MTAP: variants seen among roughly 807,000 people sequenced by gnomAD.
The protein encoded by MTAP is S-methyl-5'-thioadenosine phosphorylase.
MTAP carries 33 observed loss-of-function variants against 33.6 expected under a neutral mutation model. The ratio of observed to expected loss-of-function variants is 0.98; its 90% CI spans 0.74 to 1.31. The LOEUF is 1.31. Among genes scored for constraint, MTAP ranks in the 40% most tolerant of loss-of-function variants. The pLI, the probability that MTAP is intolerant of heterozygous loss-of-function variation, is 0.00. For synonymous variants in MTAP, 148 were observed against 125.7 expected, an observed-to-expected ratio of 1.18 and a Z score of -1.19; for missense variants, 367 against 360.0, an observed-to-expected ratio of 1.02 and a Z score of -0.16.
chr9:21,935,302 G>C (rs1285709089), downstream of MTAP: 1 of 152,042 alleles, frequency 6.6e-6, no homozygotes, highest in East Asian at 1.9e-4. Flanking sequence ...CTTAACAAAA[G>C]AAATGGAGGC....
At chr9:21,937,999 G>T (rs1019483415), downstream of MTAP, among the ~76,000 whole-genome samples, 2 of 152,074 alleles carry the variant, frequency 1.3e-5, no homozygotes, top group African/African-American at 4.8e-5. Flanking sequence ...GCAGCCCAGC[G>T]TGGTGGCTCA....
At chr9:21,869,923 C>T (rs1206212756), downstream of MTAP, among the ~76,000 whole-genome samples, 4 of 152,156 alleles carry the variant, frequency 2.6e-5, no homozygotes. Flanking sequence ...CTATGAATCC[C>T]CATGTGATTT....
intron 1 of MTAP, among the ~76,000 whole-genome samples, chr9:21,928,129 G>C (rs187640264): frequency 1.3e-5 from 2 of 152,302 alleles, no homozygotes; most frequent in Admixed American, 1.3e-4. Context: ...CATCCAGCAT[G>C]GGTATAAAGA....
Position 21,803,036 on chromosome 9 carries a change from A to ACACACG in MTAP, c.33+256_33+257insACACGC, listed in dbSNP as rs1020757334. 22 of 1,039,810 alleles carry ACACACG rather than the reference A, an allele frequency of 2.1e-5. No individual in the cohort carries two copies. The African/African-American group carries it at 3.1e-4, about 15-fold the overall frequency. 64.4% of individuals were successfully genotyped at this position (1,039,810 alleles called of 1,614,324 possible). On this transcript the variant is annotated intron_variant, in intron 1 of 7. Transcript: ENST00000644715. ...CACACACACACACACACACACACAC[A>ACACACG]CCACCTTTTGGCTTATCTGCACCCG...
Position 21,863,144 on chromosome 9 carries a change from T to C in MTAP, c.*1130T>C, listed in dbSNP as rs1825786299. The C allele has an allele frequency of 2.1e-6, 2 of 972,086 alleles. No homozygotes were observed. Among genetic ancestry groups the C allele is most frequent in the East Asian group, 2.3e-4 (2 of 8,778 alleles). 60.2% of individuals were successfully genotyped at this position (972,086 alleles called of 1,614,324 possible). On this transcript the variant is annotated 3_prime_UTR_variant, in exon 8 of 8. Transcript: ENST00000644715. The stretch of plus-strand genomic sequence containing the variant: ...GTGTTTAATAGTTTAACTGAAAGTT[T>C]AACTATTTAAAAGACTAAATGCACA...
intron 1 of MTAP, among the ~76,000 whole-genome samples, chr9:21,900,894 T>C (rs921826227): frequency 2.0e-5 from 3 of 152,188 alleles, no homozygotes; most frequent in Admixed American, 6.5e-5. Context: ...GAGACTATTA[T>C]CCTAAGTAAA....
chr9:21,829,704 T>C (rs926306375), intron 4 of MTAP, among the ~76,000 whole-genome samples: 14 of 152,312 alleles, frequency 9.2e-5, no homozygotes, highest in Non-Finnish European at 1.5e-4. Flanking sequence ...GCTATTCTTA[T>C]TTTATAGATG....
chr9:21,874,065 C>T (rs1825972260), intron 1 of MTAP, among the ~76,000 whole-genome samples: 1 of 152,276 alleles, frequency 6.6e-6, no homozygotes, highest in East Asian at 1.9e-4. Context: ...TCTGTTTGAC[C>T]TCACTTTAGT....
intron 4 of MTAP, among the ~76,000 whole-genome samples, chr9:21,833,942 G>A (rs1384073658): frequency 6.6e-6 from 1 of 151,998 alleles, no homozygotes; most frequent in Non-Finnish European, 1.5e-5. Flanking sequence ...TCACTCTCTT[G>A]AACTCATTTT....
intron 6 of MTAP, chr9:21,856,022 C>A: frequency 3.9e-6 from 1 of 257,926 alleles, no homozygotes; most frequent in Non-Finnish European, 6.1e-6. Flanking sequence ...CCCTTACAAT[C>A]CATATGTTGT....
chr9:21,916,125 A>C (rs994859012), intron 1 of MTAP, among the ~76,000 whole-genome samples: 8 of 150,140 alleles, frequency 5.3e-5, no homozygotes, highest in Admixed American at 5.3e-4. Flanking sequence ...GGAAGGAGGG[A>C]GGGAAGGAAG....
downstream of MTAP, among the ~76,000 whole-genome samples, chr9:21,939,275 T>C (rs1349676568): frequency 2.0e-5 from 3 of 152,240 alleles, no homozygotes; most frequent in Non-Finnish European, 4.4e-5. Flanking sequence ...TTATCAGCAG[T>C]GTGAAAACGG....
At chr9:21,807,835 C>T (rs532344849) in intron 1 of MTAP, among the ~76,000 whole-genome samples, 322 of 152,282 alleles carry the variant, frequency 2.1e-3, no homozygotes, top group African/African-American at 7.6e-3. Context: ...GATGGTAATA[C>T]ATTATTTCAT....
intron 1 of MTAP, among the ~76,000 whole-genome samples, chr9:21,901,042 G>A (rs556588521): frequency 1.7e-4 from 26 of 152,238 alleles, no homozygotes; most frequent in African/African-American, 5.5e-4. Context: ...AGGAGAGTTA[G>A]GATTGAAAAA....
intron 1 of MTAP, chr9:21,930,009 T>C (rs913290986): frequency 1.4e-5 from 6 of 422,860 alleles, no homozygotes; most frequent in Non-Finnish European, 2.8e-5. Context: ...CAGGCAACTT[T>C]GCTAATTAAG....
intron 1 of MTAP, among the ~76,000 whole-genome samples, chr9:21,904,289 T>A (rs1471262281): frequency 1.3e-5 from 2 of 152,158 alleles, no homozygotes; most frequent in African/African-American, 4.8e-5. Context: ...GGATTAGAGG[T>A]ATGGCAGGCC....
chr9:21,894,793 G>C (rs1427227355), intron 1 of MTAP, among the ~76,000 whole-genome samples: 1 of 151,248 alleles, frequency 6.6e-6, no homozygotes, highest in African/African-American at 2.4e-5. Context: ...TCTGTCCAAA[G>C]CCTCCTGCAT....
At chr9:21,907,320 G>A (rs1187166747) in intron 1 of MTAP, among the ~76,000 whole-genome samples, 1 of 152,222 alleles carries the variant, frequency 6.6e-6, no homozygotes, top group Admixed American at 6.5e-5. Flanking sequence ...GCCAAGGCAG[G>A]CCGAGGTGGG....
At chr9:21,882,533 A>G (rs924440304) in intron 1 of MTAP, among the ~76,000 whole-genome samples, 1 of 152,086 alleles carries the variant, frequency 6.6e-6, no homozygotes, top group Non-Finnish European at 1.5e-5. Flanking sequence ...CAAAAACTAC[A>G]GTCAGCATGA....
Sources: gnomAD v4.1 joint callset for allele counts (sites outside exome capture counted in the v4.1 genomes callset) on GRCh38, gnomAD v4.1.1 for gene constraint, MANE v1.5 for transcripts, NCBI Gene and HGNC (gene_info 2026-07-23, HGNC 2026-07-21) for gene names.